The following TLK2 variants were observed in gnomAD, a reference collection of about 807,000 sequenced individuals.
The protein encoded by TLK2 is serine/threonine-protein kinase tousled-like 2.
TLK2 carries 6 observed loss-of-function variants against 117.3 expected under a neutral mutation model. That is an observed-to-expected ratio of 0.05 (90% CI 0.03 to 0.10). The LOEUF is 0.10. Among genes scored for constraint, TLK2 ranks in the 10% least tolerant of loss-of-function variants. The pLI is 1.00. For synonymous variants in TLK2, 257 were observed against 316.7 expected (o/e 0.81, Z 2.00); for missense variants, 299 against 901.2 (o/e 0.33, Z 8.56).
At position 62,600,940 on chromosome 17, in the gene TLK2, T is replaced by C. The variant is rs535534012; in HGVS notation, c.1720+120T>C. On this transcript the variant is annotated intron_variant, in intron 18 of 21. Transcript: ENST00000346027. ...AAGAAAGGCTAATAACATCTGACTT[T>C]TGATTGCCTGGGTAGGTGTGGGAAA... 1.2e-4 allele frequency: 122 copies of C among 1,029,856 alleles called. 1 individual carries two copies. The highest frequency in any genetic ancestry group is 1.7e-4 in the Non-Finnish European group (121 of 720,080). The allele number at this position is 1,029,856 out of a possible 1,614,324, so 63.8% of individuals were successfully genotyped here.
chr17:62,573,054 A>G, intron 11 of TLK2, 161 bp from the exon 12 acceptor site: 1 of 687,030 alleles, frequency 1.5e-6, no homozygotes, highest in South Asian at 2.1e-5. Context: ...ATCACCAATT[A>G]TTTGGCCCTT....
At position 62,580,101 on chromosome 17, in the gene TLK2, G is replaced by A. The variant is rs2081101986; in HGVS notation, c.1287-10G>A. The A allele has an allele frequency of 1.2e-6, 2 of 1,610,696 alleles. No homozygotes were observed. The highest frequency in any genetic ancestry group is 1.7e-5 in the Admixed American group (1 of 59,580). On this transcript the variant is annotated splice_polypyrimidine_tract_variant and intron_variant, in intron 14 of 21. Coordinates refer to ENST00000346027, the MANE Select transcript of TLK2 (RefSeq NM_006852.6). ...GATCTCAGGGTGTTACATGTTCCCTGTTTCCACAGATTTAAAGATCATCCA... is the reference window on the plus strand; with the variant it reads ...GATCTCAGGGTGTTACATGTTCCCTATTTCCACAGATTTAAAGATCATCCA...
intron 7 of TLK2, among the ~76,000 whole-genome samples, chr17:62,549,279 G>T (rs2078197828): frequency 6.8e-6 from 1 of 146,186 alleles, no homozygotes; most frequent in Non-Finnish European, 1.5e-5. Flanking sequence ...GGTGCCTGTA[G>T]TCCCAGCTAC....
At chr17:62,539,475 T>C (rs908681785) in intron 7 of TLK2, among the ~76,000 whole-genome samples, 114 of 141,370 alleles carry the variant, frequency 8.1e-4, no homozygotes, top group African/African-American at 2.4e-3. Context: ...CTCCCTCTCT[T>C]TTTTTTTTTT....
At chr17:62,573,439 G>C in intron 12 of TLK2, 72 bp downstream of exon 12, 2 of 1,562,628 alleles carry the variant, frequency 1.3e-6, no homozygotes, top group Non-Finnish European at 1.7e-6. Context: ...ATTGTCACCG[G>C]CAATAGTTTT....
intron 1 of TLK2, among the ~76,000 whole-genome samples, chr17:62,480,825 T>G (rs1390385129): frequency 6.6e-6 from 1 of 152,224 alleles, no homozygotes; most frequent in Non-Finnish European, 1.5e-5. Context: ...GTGCTCAACT[T>G]TTACAGAAAT....
chr17:62,514,129 A>G (rs1403678334), intron 2 of TLK2, among the ~76,000 whole-genome samples: 1 of 151,978 alleles, frequency 6.6e-6, no homozygotes, highest in East Asian at 1.9e-4. Flanking sequence ...TTACTTTACA[A>G]CACAGCAAAT....
In TLK2 at chr17:62,548,236, A is replaced by ATGTGTGTG. The variant is rs759563217; in HGVS notation, c.532-4065_532-4064insGTGTGTGT. Among the ~76,000 whole-genome samples, 59 of 31,190 alleles carry ATGTGTGTG rather than the reference A, an allele frequency of 1.9e-3. 1 individual carries two copies. The highest frequency in any genetic ancestry group is 5.2e-3 in the Non-Finnish European group (42 of 8,118). The allele number at this position is 31,190 out of a possible 152,430, so 20.5% of individuals were successfully genotyped here. ...TTACTTATCATTGGGCCATATATAT[A>ATGTGTGTG]TATATGTGTGTGTGTGTGTGTGTGT... On this transcript the variant is annotated intron_variant, in intron 7 of 21. Transcript: ENST00000346027.
At chr17:62,564,714 A>G (rs1014078818) in intron 10 of TLK2, among the ~76,000 whole-genome samples, 1 of 150,986 alleles carries the variant, frequency 6.6e-6, no homozygotes, top group Admixed American at 6.6e-5. Flanking sequence ...TCTTAAAAAA[A>G]AAAACAAACA....
chr17:62,569,091 G>A (rs1279053485), intron 11 of TLK2, among the ~76,000 whole-genome samples: 3 of 151,592 alleles, frequency 2.0e-5, no homozygotes, highest in African/African-American at 7.3e-5. Context: ...CATATCCTGA[G>A]GTCAGGAGTT....
upstream of TLK2, among the ~76,000 whole-genome samples, chr17:62,474,789 G>A (rs2071006399): frequency 1.3e-5 from 2 of 151,290 alleles, no homozygotes; most frequent in South Asian, 4.2e-4. Flanking sequence ...GCCTCCCAAT[G>A]TGCTGGGATT....
In TLK2 at chr17:62,471,727, C is replaced by T. The variant is rs528186248; in HGVS notation, c.-205+649C>T. On this transcript the variant is annotated intron_variant, in intron 1 of 4. Coordinates refer to the TLK2 transcript ENST00000579450. ...TTCCCTGTGCTCTAGGTTGCAGGGT[C>T]GCACCTTTCAGAAGTGAACCCCAGA... Among the ~76,000 whole-genome samples the T allele has an allele frequency of 5.5e-4, 84 of 152,060 alleles. 1 individual carries two copies. The highest frequency in any genetic ancestry group is 2.0e-3 in the African/African-American group (82 of 41,480).
intron 7 of TLK2, among the ~76,000 whole-genome samples, chr17:62,545,917 G>A (rs539848986): frequency 1.2e-4 from 18 of 151,944 alleles, no homozygotes; most frequent in Admixed American, 9.8e-4. Flanking sequence ...GTCTTCCTTT[G>A]CCACTGAGGC....
At chr17:62,503,382 G>A (rs2074384703) in intron 2 of TLK2, among the ~76,000 whole-genome samples, 1 of 148,604 alleles carries the variant, frequency 6.7e-6, no homozygotes, top group East Asian at 2.0e-4. Context: ...TTATTTAGAT[G>A]AGTGGTTCAA....
intron 6 of TLK2, among the ~76,000 whole-genome samples, chr17:62,535,149 A>G (rs1324157974): frequency 6.6e-6 from 1 of 152,000 alleles, no homozygotes; most frequent in Non-Finnish European, 1.5e-5. Flanking sequence ...TGGCCTCCCA[A>G]AGTACTGGGA....
chr17:62,580,277 T>G (rs761687500), intron 15 of TLK2, 85 bp downstream of exon 15: 4 of 963,768 alleles, frequency 4.2e-6, no homozygotes, highest in Non-Finnish European at 6.1e-6. Flanking sequence ...TACTGATAAT[T>G]GTAGGTTGAT....
chr17:62,478,671 C>T (rs566106693), upstream of TLK2, among the ~76,000 whole-genome samples: 3 of 127,594 alleles, frequency 2.4e-5, no homozygotes, highest in South Asian at 8.5e-4. Context: ...GGCGGGGCGC[C>T]GGGGCAGCGG....
intron 2 of TLK2, among the ~76,000 whole-genome samples, chr17:62,506,815 T>C (rs1468732210): frequency 6.6e-6 from 1 of 152,226 alleles, no homozygotes; most frequent in Non-Finnish European, 1.5e-5. Flanking sequence ...ACATAGATTA[T>C]AGGCCCCATA....
At position 62,573,578 on chromosome 17, in the gene TLK2, T is replaced by C. The variant is rs145385513; in HGVS notation, c.1121+211T>C. ...TGCTCTTTCTTTAGGGCATTTTGAA[T>C]GAGAGGGAAAAGTAATGTCACTTGA... On this transcript the variant is annotated intron_variant, in intron 12 of 21. Coordinates refer to ENST00000346027, the MANE Select transcript of TLK2 (RefSeq NM_006852.6). 6.7e-3 allele frequency among the ~76,000 whole-genome samples: 1,020 copies of C among 152,360 alleles called. 8 individuals are homozygous for C. The highest frequency in any genetic ancestry group is 0.011 in the Non-Finnish European group (755 of 68,038).
Sources: allele counts gnomAD v4.1 joint callset (sites outside exome capture counted in the v4.1 genomes callset), GRCh38; gene constraint gnomAD v4.1.1; transcripts MANE v1.5; gene names NCBI Gene and HGNC (gene_info 2026-07-23, HGNC 2026-07-21).